The following PRKN variants were observed in gnomAD, a reference collection of about 807,000 sequenced individuals.
PRKN encodes parkin RBR E3 ubiquitin protein ligase.
Under a neutral mutation model 59.5 loss-of-function variants are expected in PRKN, and 56 were observed. The observed-to-expected ratio is 0.94, with a 90% CI of 0.76 to 1.18. The LOEUF (loss-of-function observed/expected upper bound fraction) is 1.18, where lower values mean the gene tolerates loss of function less well. Ranked by LOEUF, PRKN falls within the 50% of genes most tolerant of loss-of-function variation. The pLI, the probability that PRKN is intolerant of heterozygous loss-of-function variation, is 0.00. For synonymous variants in PRKN, 250 were observed against 222.1 expected, an observed-to-expected ratio of 1.13 and a Z score of -1.12; for missense variants, 657 against 596.4, an observed-to-expected ratio of 1.10 and a Z score of -1.06.
intron 7 of PRKN, among the ~76,000 whole-genome samples, chr6:161,656,145 G>A (rs140092327): frequency 2.0e-5 from 3 of 152,230 alleles, no homozygotes; most frequent in African/African-American, 7.2e-5. Flanking sequence ...CTTGCGGGAA[G>A]ATGACATTCT....
chr6:162,305,175 G>A (rs1782164000), intron 2 of PRKN, among the ~76,000 whole-genome samples: 1 of 152,088 alleles, frequency 6.6e-6, no homozygotes, highest in Non-Finnish European at 1.5e-5. Flanking sequence ...CTACATCTTA[G>A]AGTATAGAAA....
chr6:161,404,553 C>A (rs1787180560), intron 9 of PRKN, among the ~76,000 whole-genome samples: 1 of 152,090 alleles, frequency 6.6e-6, no homozygotes. Context: ...CTCAGTGACC[C>A]CAATGGCATC....
chr6:162,305,496 G>A (rs1449441788), intron 2 of PRKN, among the ~76,000 whole-genome samples: 1 of 152,038 alleles, frequency 6.6e-6, no homozygotes, highest in East Asian at 1.9e-4. Context: ...CTGGGTCAGA[G>A]TATAATTCTT....
chr6:162,485,074 T>A (rs1229146823), intron 1 of PRKN, among the ~76,000 whole-genome samples: 1 of 152,232 alleles, frequency 6.6e-6, no homozygotes, highest in Non-Finnish European at 1.5e-5. Flanking sequence ...ATACATTTTA[T>A]ATAATTTCAG....
chr6:162,257,864 A>G lies in PRKN; in HGVS notation c.412+4661T>C, dbSNP rs532161158. On this transcript the variant is annotated intron_variant, in intron 3 of 11. Transcript: ENST00000366898. ...GCATGAGGCTTCCTGAAGTCAGATC[A>G]TGTCACTCCATTGTTCAAAAGTCAA... is the stretch of plus-strand genomic sequence containing the variant. 2.2e-3 allele frequency among the ~76,000 whole-genome samples: 329 copies of G among 152,216 alleles called. 1 individual carries two copies. Among genetic ancestry groups the G allele is most frequent in the African/African-American group, 7.6e-3 (317 of 41,538 alleles).
intron 1 of PRKN, among the ~76,000 whole-genome samples, chr6:162,611,985 A>G (rs759458367): frequency 6.6e-6 from 1 of 151,618 alleles, no homozygotes; most frequent in Non-Finnish European, 1.5e-5. Context: ...GGAGATCGAG[A>G]CCATCCTGGC....
intron 6 of PRKN, among the ~76,000 whole-genome samples, chr6:161,875,146 A>G (rs545126132): frequency 7.3e-6 from 1 of 137,718 alleles, no homozygotes; most frequent in African/African-American, 2.8e-5. Context: ...TAATATATAT[A>G]AAAATATACA....
intron 2 of PRKN, among the ~76,000 whole-genome samples, chr6:162,290,819 C>T: frequency 6.6e-6 from 1 of 152,140 alleles, no homozygotes; most frequent in Non-Finnish European, 1.5e-5. Flanking sequence ...TAAGAAGGAG[C>T]TGCAAGTTTC....
At chr6:162,565,776 A>G (rs1780048816) in intron 1 of PRKN, among the ~76,000 whole-genome samples, 2 of 152,284 alleles carry the variant, frequency 1.3e-5, no homozygotes, top group South Asian at 4.1e-4. Flanking sequence ...TGCAACAAAA[A>G]GACACAGACT....
intron 5 of PRKN, among the ~76,000 whole-genome samples, chr6:162,039,817 A>G (rs952023322): frequency 2.0e-5 from 3 of 152,210 alleles, no homozygotes; most frequent in African/African-American, 7.2e-5. Flanking sequence ...AGACAGACAG[A>G]TGTATATATC....
chr6:162,167,727 G>A (rs975256108), intron 4 of PRKN, among the ~76,000 whole-genome samples: 1 of 151,414 alleles, frequency 6.6e-6, no homozygotes, highest in African/African-American at 2.4e-5. Context: ...AATTTGACCA[G>A]TGTTTGTGCA....
intron 2 of PRKN, among the ~76,000 whole-genome samples, chr6:162,336,738 A>G (rs1783863852): frequency 6.6e-6 from 1 of 152,218 alleles, no homozygotes; most frequent in Non-Finnish European, 1.5e-5. Context: ...AGACTTTACT[A>G]CATCTACAAA....
chr6:161,913,635 T>C (rs1778448786), intron 6 of PRKN, among the ~76,000 whole-genome samples: 1 of 152,244 alleles, frequency 6.6e-6, no homozygotes. Context: ...ACTATGTCTA[T>C]TTATTCATTG....
At chr6:161,705,300 T>C (rs995433506) in intron 7 of PRKN, among the ~76,000 whole-genome samples, 8 of 152,186 alleles carry the variant, frequency 5.3e-5, no homozygotes, top group Non-Finnish European at 1.5e-5. Flanking sequence ...CTCAGAACAC[T>C]TACTCTGCCT....
At chr6:162,107,355 C>T (rs1780231294) in intron 4 of PRKN, among the ~76,000 whole-genome samples, 1 of 152,184 alleles carries the variant, frequency 6.6e-6, no homozygotes, top group Admixed American at 6.5e-5. Context: ...ATCCCAGCTA[C>T]TCAGGAGGCT....
intron 4 of PRKN, among the ~76,000 whole-genome samples, chr6:162,151,985 T>G (rs548356473): frequency 6.6e-6 from 1 of 152,336 alleles, no homozygotes; most frequent in South Asian, 2.1e-4. Flanking sequence ...TAATGCTTTA[T>G]GTACCCTTAA....
chr6:162,202,050 A>C (rs2128330830), intron 3 of PRKN, among the ~76,000 whole-genome samples: 1 of 152,326 alleles, frequency 6.6e-6, no homozygotes, highest in East Asian at 1.9e-4. Context: ...CACTTACCAG[A>C]AATACAACCT....
intron 2 of PRKN, among the ~76,000 whole-genome samples, chr6:162,385,467 C>T (rs969438146): frequency 5.3e-5 from 8 of 152,010 alleles, no homozygotes; most frequent in African/African-American, 1.9e-4. Context: ...GAGCTAATTG[C>T]GGTGGCTTTT....
chr6:162,147,452 G>C (rs1306290428), intron 4 of PRKN, among the ~76,000 whole-genome samples: 1 of 151,734 alleles, frequency 6.6e-6, no homozygotes, highest in Non-Finnish European at 1.5e-5. Flanking sequence ...AACCTCAAGG[G>C]AACAAACACA....
Sources: gnomAD v4.1 joint callset for allele counts (sites outside exome capture counted in the v4.1 genomes callset) on GRCh38, gnomAD v4.1.1 for gene constraint, MANE v1.5 for transcripts, NCBI Gene and HGNC (gene_info 2026-07-23, HGNC 2026-07-21) for gene names.